The following CIP2A variants were observed in gnomAD, a reference collection of about 807,000 sequenced individuals.
CIP2A encodes protein CIP2A.
In CIP2A, 103 loss-of-function variants were observed where a neutral mutation model predicts 110.9. That is an observed-to-expected ratio of 0.93 (90% confidence interval 0.79 to 1.09). The LOEUF (loss-of-function observed/expected upper bound fraction) is 1.09, where lower values mean the gene tolerates loss of function less well. Ranked by LOEUF, CIP2A falls within the 50% of genes least tolerant of loss-of-function variation. The pLI, the probability that CIP2A is intolerant of heterozygous loss-of-function variation, is 0.00. For synonymous variants in CIP2A, 381 were observed against 361.6 expected (o/e 1.05, Z -0.61); for missense variants, 1,088 against 1,038.4 (o/e 1.05, Z -0.66).
At chr3:108,570,954 G>GT (rs1938384313) in intron 8 of CIP2A, among the ~76,000 whole-genome samples, 1 of 152,004 alleles carries the variant, frequency 6.6e-6, no homozygotes, top group African/African-American at 2.4e-5. Context: ...TAGTCTATCA[G>GT]TTTTTTCTAT....
At position 108,553,699 on chromosome 3, in the gene CIP2A, G is replaced by A. The variant is rs1383739997; in HGVS notation, c.2356C>T (p.Gln786Ter). 2 of 1,499,632 alleles carry A rather than the reference G, an allele frequency of 1.3e-6. No homozygotes were observed. Among genetic ancestry groups the A allele is most frequent in the South Asian group, 1.1e-5 (1 of 88,630 alleles). The allele number at this position is 1,499,632 out of a possible 1,614,324, so 92.9% of individuals were successfully genotyped here. A position where few individuals can be genotyped will look rare whatever the true frequency, so the allele number is the denominator to read the frequency against. The change falls in exon 19 of 21, where the codon CAG becomes TAG. Residue 786 changes from glutamine (Q) to a stop codon, truncating the protein, a stop_gained. Coordinates refer to ENST00000295746, the MANE Select transcript of CIP2A (RefSeq NM_020890.3). LOFTEE classifies it high-confidence loss of function. ...SIAQLIEKEE[Q>*]RKEVQNQLVD... ...AGCTGATTCTGTACTTCTTTTCTCT[G>A]TTCTTCTTTCTCTATTAATTGGGCA...
Position 108,552,268 on chromosome 3 carries a change from CT to C in CIP2A, c.2512del (p.Arg838GlufsTer5). Reference protein sequence around the residue: ...TIDILRKELSRTEQIRKELSI... With the variant: ...TIDILRKELSXTEQIRKELSI... ...CAACTCTTTTCTTATCTGTTCTGTT[CT>C]GCTTAATTCTTTTCTAAGGATATCA... On this transcript the variant is annotated frameshift_variant, in exon 20 of 21. Coordinates refer to ENST00000295746, the MANE Select transcript of CIP2A (RefSeq NM_020890.3). LOFTEE classifies it high-confidence loss of function. The C allele has an allele frequency of 1.3e-6, 2 of 1,577,852 alleles. No homozygotes were observed. The highest frequency in any genetic ancestry group is 1.7e-6 in the Non-Finnish European group (2 of 1,162,100).
intron 7 of CIP2A, among the ~76,000 whole-genome samples, chr3:108,576,846 C>T (rs758282502): frequency 6.6e-6 from 1 of 152,142 alleles, no homozygotes; most frequent in African/African-American, 2.4e-5. Context: ...GCATTATATT[C>T]TATGTGACTG....
chr3:108,576,351 G>T lies in CIP2A; in HGVS notation c.819-5C>A, dbSNP rs1938651500. ...CATGAAGAAAAGTGCTCATATCTAG[G>T]TTTAGAATAAAAATATACATCAAAT... is the stretch of plus-strand genomic sequence containing the variant. On this transcript the variant is annotated splice_region_variant and splice_polypyrimidine_tract_variant and intron_variant, in intron 7 of 20. Transcript: ENST00000295746. 2 of 1,457,344 alleles carry T rather than the reference G, an allele frequency of 1.4e-6. No homozygotes were observed. The highest frequency in any genetic ancestry group is 2.1e-5 in the Admixed American group (1 of 48,266). 90.3% of individuals were successfully genotyped at this position (1,457,344 alleles called of 1,614,324 possible). A position where few individuals can be genotyped will look rare whatever the true frequency, so the allele number is the denominator to read the frequency against.
chr3:108,579,804 T>A, intron 5 of CIP2A, 116 bp from the exon 6 acceptor site: 1 of 476,968 alleles, frequency 2.1e-6, no homozygotes, highest in Non-Finnish European at 3.6e-6. Flanking sequence ...TCAACTCTAT[T>A]AAATGATTGT....
intron 17 of CIP2A, 109 bp from the exon 18 acceptor site, chr3:108,554,598 C>A (rs963896700): frequency 1.1e-4 from 61 of 554,734 alleles, no homozygotes; most frequent in Middle Eastern, 5.6e-4. Context: ...ATTGCATATG[C>A]TGGAAGAGAA....
At chr3:108,587,909 G>C (rs1939122915) in intron 1 of CIP2A, among the ~76,000 whole-genome samples, 1 of 152,078 alleles carries the variant, frequency 6.6e-6, no homozygotes. Context: ...AGCCTCCCGA[G>C]TAGCTGGGAC....
Position 108,551,261 on chromosome 3 carries a change from G to T in CIP2A, c.2606C>A (p.Ser869Tyr). 1 of 1,612,196 alleles carries T rather than the reference G, an allele frequency of 6.2e-7. No homozygotes were observed. Among genetic ancestry groups the T allele is most frequent in the Non-Finnish European group, 8.5e-7 (1 of 1,178,788 alleles). The change falls in exon 21 of 21, where the codon TCC becomes TAC. Residue 869 changes from serine (S) to tyrosine (Y), a missense_variant. By Grantham distance (144) the Ser-to-Tyr change is moderately radical. Transcript: ENST00000295746. ...TTCCTCTTGCTGAAGTTTCACCAAG[G>T]ACTCTTTCTCTTCCAAACGACCTTC... ...QLEGRLEEKE[S>Y]LVKLQQEELN... is the part of the protein sequence containing the mutation.
chr3:108,551,345 G>A (rs761151902), intron 20 of CIP2A, 26 bp from the exon 21 acceptor site: 9 of 1,543,532 alleles, frequency 5.8e-6, no homozygotes, highest in Non-Finnish European at 7.9e-6. Flanking sequence ...TGGGGGAGGA[G>A]GAAGAATTGA....
At chr3:108,566,435 A>T (rs1411727396) in intron 11 of CIP2A, 62 bp downstream of exon 11, 2 of 1,319,166 alleles carry the variant, frequency 1.5e-6, no homozygotes, top group Non-Finnish European at 2.1e-6. Context: ...AAGGATGAGA[A>T]TCACCACATC....
At chr3:108,587,154 A>C (rs988588857) in intron 1 of CIP2A, among the ~76,000 whole-genome samples, 2 of 152,180 alleles carry the variant, frequency 1.3e-5, no homozygotes, top group African/African-American at 4.8e-5. Flanking sequence ...ACATATAGGC[A>C]TATGTTCCAA....
chr3:108,555,112 T>G (rs1204932366), intron 17 of CIP2A, among the ~76,000 whole-genome samples: 1 of 152,142 alleles, frequency 6.6e-6, no homozygotes, highest in African/African-American at 2.4e-5. Context: ...AATGACCTTT[T>G]CCCCAGCCAG....
At chr3:108,552,146 G>C (rs1243806473) in intron 20 of CIP2A, 88 bp downstream of exon 20, 17 of 1,069,244 alleles carry the variant, frequency 1.6e-5, no homozygotes, top group Non-Finnish European at 2.2e-5. Context: ...ATTTGCTGAA[G>C]AAACAGTACA....
In CIP2A at chr3:108,553,125, T is replaced by G. The variant is rs1937633107; in HGVS notation, c.2407+523A>C. 2.4e-5 allele frequency among the ~76,000 whole-genome samples: 3 copies of G among 124,864 alleles called. No homozygotes were observed. The South Asian group carries it at 8.6e-4, about 36-fold the overall frequency. 81.9% of individuals were successfully genotyped at this position (124,864 alleles called of 152,430 possible). ...GTCAATCATCTCTTTCCTTTTGTTT[T>G]TTTTTTTTTTTTTTTTTTTTTTGAG... is the stretch of plus-strand genomic sequence containing the variant. On this transcript the variant is annotated intron_variant, in intron 19 of 20. Coordinates refer to ENST00000295746, the MANE Select transcript of CIP2A (RefSeq NM_020890.3).
At position 108,559,938 on chromosome 3, in the gene CIP2A, A is replaced by G; in HGVS notation, c.1902+16T>C. 1.3e-6 allele frequency: 2 copies of G among 1,585,106 alleles called. No individual in the cohort carries two copies. The highest frequency in any genetic ancestry group is 2.2e-5 in the South Asian group (2 of 89,250). On this transcript the variant is annotated intron_variant, in intron 15 of 20. Transcript: ENST00000295746. ...TTAAAGCTTATTACACATTGTTAAA[A>G]TAAGCTTATACTCACAGCTAATGTG...
intron 14 of CIP2A, 44 bp from the exon 15 acceptor site, chr3:108,560,072 T>G (rs536035857): frequency 8.9e-7 from 1 of 1,127,680 alleles, no homozygotes; most frequent in East Asian, 2.5e-5. Flanking sequence ...AATAAAATAT[T>G]TTGACACAAT....
chr3:108,581,029 T>G (rs1938856741), intron 5 of CIP2A, among the ~76,000 whole-genome samples: 2 of 152,254 alleles, frequency 1.3e-5, no homozygotes, highest in Admixed American at 1.3e-4. Context: ...TGAATCTTTC[T>G]GGTGGGGTTG....
chr3:108,564,727 T>C (rs905741703), intron 12 of CIP2A, among the ~76,000 whole-genome samples: 1 of 151,926 alleles, frequency 6.6e-6, no homozygotes, highest in Non-Finnish European at 1.5e-5. Flanking sequence ...AGCCCTTTTC[T>C]GGTCTATAAA....
In CIP2A at chr3:108,554,533, C is replaced by T. The variant is rs557049075; in HGVS notation, c.2211-44G>A. The T allele has an allele frequency of 2.7e-5, 21 of 788,482 alleles. 1 individual carries two copies. The highest frequency in any genetic ancestry group is 1.5e-4 in the South Asian group (9 of 61,774). 48.8% of individuals were successfully genotyped at this position (788,482 alleles called of 1,614,324 possible). A position where few individuals can be genotyped will look rare whatever the true frequency, so the allele number is the denominator to read the frequency against. The stretch of plus-strand genomic sequence containing the variant: ...GAGTTGGCATCATTATGGAGGAAAA[C>T]ATATGAAGGAGAAAAGAAGCTCACA... On this transcript the variant is annotated intron_variant, in intron 17 of 20. Coordinates refer to ENST00000295746, the MANE Select transcript of CIP2A (RefSeq NM_020890.3).
Sources: gnomAD v4.1 joint callset for allele counts (sites outside exome capture counted in the v4.1 genomes callset) on GRCh38, gnomAD v4.1.1 for gene constraint, MANE v1.5 for transcripts, NCBI Gene and HGNC (gene_info 2026-07-23, HGNC 2026-07-21) for gene names.